RBM47: variants seen among roughly 807,000 people sequenced by gnomAD.
RBM47 encodes RNA binding motif protein 47.
Under a neutral mutation model 47.1 loss-of-function variants are expected in RBM47, and 21 were observed. The observed-to-expected ratio is 0.45, with a 90% CI of 0.32 to 0.64. The LOEUF (loss-of-function observed/expected upper bound fraction) is 0.64. Ranked by LOEUF, RBM47 falls within the 30% of genes least tolerant of loss-of-function variation. The pLI is 0.05. For synonymous variants in RBM47, 375 were observed against 361.7 expected (o/e 1.04, Z -0.42); for missense variants, 708 against 870.9 (o/e 0.81, Z 2.35).
At chr4:40,443,440 G>C (rs1012625523) in intron 3 of RBM47, among the ~76,000 whole-genome samples, 21 of 152,082 alleles carry the variant, frequency 1.4e-4, no homozygotes, top group Admixed American at 1.4e-3. Context: ...ACACTGGGCT[G>C]GGCACAGTGG....
Position 40,582,781 on chromosome 4 carries a change from G to A in RBM47, c.-239-38275C>T, listed in dbSNP as rs532431665. 3.3e-5 allele frequency among the ~76,000 whole-genome samples: 5 copies of A among 152,114 alleles called. No individual in the cohort carries two copies. The East Asian group carries it at 5.8e-4, about 18-fold the overall frequency. On this transcript the variant is annotated intron_variant, in intron 1 of 6. Transcript: ENST00000295971. Reference sequence around the variant, plus strand: ...TTCAACCTTATACCCTACTCTCAACGCCTAGTCAGTCATCAAAACCATTCA... The same window carrying A: ...TTCAACCTTATACCCTACTCTCAACACCTAGTCAGTCATCAAAACCATTCA...
At chr4:40,483,330 C>T (rs1014996421) in intron 2 of RBM47, among the ~76,000 whole-genome samples, 1 of 152,162 alleles carries the variant, frequency 6.6e-6, no homozygotes, top group Non-Finnish European at 1.5e-5. Context: ...TTGTTCTAGA[C>T]CCCGAAGATT....
chr4:40,547,567 G>C (rs1341938463), intron 1 of RBM47, among the ~76,000 whole-genome samples: 2 of 152,108 alleles, frequency 1.3e-5, no homozygotes, highest in Non-Finnish European at 2.9e-5. Flanking sequence ...ATTTTGTTAT[G>C]GCAGCCTAAA....
At chr4:40,490,913 A>G (rs1721785377) in intron 2 of RBM47, among the ~76,000 whole-genome samples, 1 of 152,188 alleles carries the variant, frequency 6.6e-6, no homozygotes. Flanking sequence ...AAATTGATAA[A>G]TGGATACTAA....
intron 1 of RBM47, among the ~76,000 whole-genome samples, chr4:40,624,798 T>C (rs1345077076): frequency 1.3e-5 from 2 of 152,156 alleles, no homozygotes; most frequent in African/African-American, 4.8e-5. Context: ...TGTTATTATT[T>C]TTTAATCAAA....
intron 3 of RBM47, among the ~76,000 whole-genome samples, chr4:40,446,246 T>C (rs1714507337): frequency 6.6e-6 from 1 of 152,086 alleles, no homozygotes; most frequent in African/African-American, 2.4e-5. Context: ...ACGACTAGGG[T>C]CTCCACCCTA....
At chr4:40,533,113 T>G (rs1473014317) in intron 2 of RBM47, among the ~76,000 whole-genome samples, 1 of 151,902 alleles carries the variant, frequency 6.6e-6, no homozygotes, top group Non-Finnish European at 1.5e-5. Flanking sequence ...AAAACAATAG[T>G]AAAAACAGCT....
At chr4:40,465,535 C>T (rs183505213) in intron 3 of RBM47, among the ~76,000 whole-genome samples, 10 of 152,188 alleles carry the variant, frequency 6.6e-5, no homozygotes, top group East Asian at 1.9e-4. Context: ...GAAAATTAGC[C>T]GGGTGTGGTA....
In RBM47 at chr4:40,423,883, T is replaced by A. The variant is rs575311508; in HGVS notation, c.*2021A>T. 1 of 152,596 alleles carries A rather than the reference T, an allele frequency of 6.6e-6. No individual in the cohort carries two copies. The highest frequency in any genetic ancestry group is 2.1e-4 in the South Asian group (1 of 4,824). The allele number at this position is 152,596 out of a possible 1,614,324, so 9.5% of individuals were successfully genotyped here. ...ACACAGTCAGGGGATGAGGATCTGA[T>A]CCGAATTACATTTTGTCGAGTCACT... On this transcript the variant is annotated 3_prime_UTR_variant, in exon 7 of 7. Coordinates refer to ENST00000295971, the MANE Select transcript of RBM47 (RefSeq NM_001098634.2).
chr4:40,439,523 A>G (rs909349534), intron 3 of RBM47, among the ~76,000 whole-genome samples: 1 of 152,194 alleles, frequency 6.6e-6, no homozygotes, highest in African/African-American at 2.4e-5. Flanking sequence ...CTGTAATAAG[A>G]GCTAATCTGA....
At chr4:40,437,073 C>CAAAAAAAAAAAAAAA (rs750922605) in intron 4 of RBM47, among the ~76,000 whole-genome samples, 748 of 21,272 alleles carry the variant, frequency 0.035, 272 homozygotes, top group Middle Eastern at 0.056. Flanking sequence ...GACCCTGTCT[C>CAAAAAAAAAAAAAAA]AAAAAAAAAA....
chr4:40,478,707 CG>C (rs1178036700), intron 2 of RBM47, among the ~76,000 whole-genome samples: 2 of 152,226 alleles, frequency 1.3e-5, no homozygotes, highest in East Asian at 3.9e-4. Context: ...AGGCTGGTCT[CG>C]AAATGCTAGG....
At chr4:40,599,272 A>AG (rs397993080) in intron 1 of RBM47, among the ~76,000 whole-genome samples, 2 of 151,480 alleles carry the variant, frequency 1.3e-5, no homozygotes, top group Non-Finnish European at 2.9e-5. Context: ...AAAAAAAAAA[A>AG]GAAAGAGAAG....
At chr4:40,586,360 G>A (rs1315356143) in intron 1 of RBM47, among the ~76,000 whole-genome samples, 2 of 152,054 alleles carry the variant, frequency 1.3e-5, no homozygotes, top group African/African-American at 4.8e-5. Context: ...AGAGAGTCTG[G>A]AAGGTAAGCC....
intron 1 of RBM47, among the ~76,000 whole-genome samples, chr4:40,609,738 G>A (rs1285396114): frequency 2.6e-5 from 4 of 151,928 alleles, no homozygotes; most frequent in African/African-American, 2.4e-5. Context: ...CTCTCTCTAG[G>A]TTCCGGAATC....
chr4:40,481,195 T>C (rs1043944468), intron 2 of RBM47, among the ~76,000 whole-genome samples: 6 of 151,960 alleles, frequency 3.9e-5, no homozygotes, highest in Non-Finnish European at 2.9e-5. Context: ...GGTGTTTAAG[T>C]AGCACTTTCT....
Position 40,580,879 on chromosome 4 carries a change from A to T in RBM47, c.-239-36373T>A, listed in dbSNP as rs531305784. Among the ~76,000 whole-genome samples the T allele has an allele frequency of 2.5e-4, 38 of 152,382 alleles. No homozygotes were observed. In the South Asian group the frequency reaches 7.7e-3, roughly 31 times the overall value. The stretch of plus-strand genomic sequence containing the variant: ...AGGCCACTCTGATATTTGTGCTGAG[A>T]GTTGAACAAAGAGACAGGGAGCCTA... On this transcript the variant is annotated intron_variant, in intron 1 of 6. Transcript: ENST00000295971.
At chr4:40,501,992 G>A (rs1577816774) in intron 2 of RBM47, 1 of 154,150 alleles carries the variant, frequency 6.5e-6, no homozygotes, top group Non-Finnish European at 1.5e-5. Flanking sequence ...ACCACCACAA[G>A]CCCCACAGCG....
chr4:40,623,830 G>A (rs930445776), intron 1 of RBM47, among the ~76,000 whole-genome samples: 3 of 146,446 alleles, frequency 2.0e-5, no homozygotes, highest in African/African-American at 7.9e-5. Context: ...AGCAGACAAA[G>A]AGGTATAAAC....
Sources: gnomAD v4.1 joint callset for allele counts (sites outside exome capture counted in the v4.1 genomes callset) on GRCh38, gnomAD v4.1.1 for gene constraint, MANE v1.5 for transcripts, NCBI Gene and HGNC (gene_info 2026-07-23, HGNC 2026-07-21) for gene names.